Variants in CENPV observed in about 807,000 individuals in gnomAD.
CENPV encodes the protein centromere protein V, also known as nuclear protein p30.
Under a neutral mutation model 26.4 loss-of-function variants are expected in CENPV, and 15 were observed. The observed-to-expected ratio is 0.57, with a 90% CI of 0.38 to 0.88. CENPV has a LOEUF of 0.88. Ranked by LOEUF, CENPV falls within the 40% of genes least tolerant of loss-of-function variation. CENPV has a pLI of 0.00. For missense variants in CENPV, 336 were observed against 376.5 expected, an observed-to-expected ratio of 0.89 and a Z score of 0.89; for synonymous variants, 172 against 165.5, an observed-to-expected ratio of 1.04 and a Z score of -0.30.
chr17:16,342,660 T>C lies in CENPV; in HGVS notation c.*157A>G, dbSNP rs900025668. 1.1e-5 allele frequency: 8 copies of C among 753,750 alleles called. No individual in the cohort carries two copies. The highest frequency in any genetic ancestry group is 3.9e-4 in the Middle Eastern group (1 of 2,554). The allele number at this position is 753,750 out of a possible 1,614,324, so 46.7% of individuals were successfully genotyped here. On this transcript the variant is annotated 3_prime_UTR_variant, in exon 5 of 5. Transcript: ENST00000299736. ...AGGACAAAGAGCTGCCTAAAGAAACTGGTAGCTGGAGCAAACTGCAGAGAT... is the reference window on the plus strand; with the variant it reads ...AGGACAAAGAGCTGCCTAAAGAAACCGGTAGCTGGAGCAAACTGCAGAGAT...
intron 1 of CENPV, among the ~76,000 whole-genome samples, chr17:16,352,474 A>G (rs1440152652): frequency 6.6e-6 from 1 of 152,030 alleles, no homozygotes; most frequent in Non-Finnish European, 1.5e-5. Flanking sequence ...CTCCCGGATC[A>G]ATAACCTCCG....
intron 2 of CENPV, 187 bp from the exon 3 acceptor site, chr17:16,348,872 G>T: frequency 7.2e-7 from 1 of 1,389,330 alleles, no homozygotes. Context: ...CAGAGCCCAG[G>T]GGGGTCCCAA....
intron 2 of CENPV, 36 bp from the exon 3 acceptor site, chr17:16,348,721 A>G (rs2093217839): frequency 3.1e-6 from 5 of 1,612,656 alleles, no homozygotes; most frequent in Non-Finnish European, 4.2e-6. Context: ...GATTGTGAGC[A>G]GCCACCTGCA....
At chr17:16,348,590 C>A (rs758546868) in intron 3 of CENPV, 26 bp downstream of exon 3, 1 of 1,613,734 alleles carries the variant, frequency 6.2e-7, no homozygotes, top group South Asian at 1.1e-5. Context: ...GTTCTGCACT[C>A]CTTGACCCTG....
chr17:16,352,886 G>T (rs1489132844), intron 1 of CENPV, 141 bp downstream of exon 1: 2 of 1,227,130 alleles, frequency 1.6e-6, no homozygotes, highest in Non-Finnish European at 2.1e-6. Context: ...CAGTGCTAAC[G>T]GGGGAGCCGC....
At chr17:16,343,911 A>G (rs980400834) in intron 4 of CENPV, among the ~76,000 whole-genome samples, 1 of 152,178 alleles carries the variant, frequency 6.6e-6, no homozygotes, top group Non-Finnish European at 1.5e-5. Context: ...AATTCACACT[A>G]TAGTTGGTAT....
chr17:16,353,349 CGGCCGCGGA>C lies in CENPV; in HGVS notation c.79_87del (p.Ser27_Ala29del), dbSNP rs1355432206. ...CGGGTGGCGCTGGGTGCCAAGGCAG[CGGCCGCGGA>C]GGCCGCGGGGGCCGCGGAGGCCCCG... On this transcript the variant is annotated inframe_deletion, in exon 1 of 5. Coordinates refer to ENST00000299736, the MANE Select transcript of CENPV (RefSeq NM_181716.3). The C allele has an allele frequency of 6.2e-6, 8 of 1,286,248 alleles. No homozygotes were observed. Among genetic ancestry groups the C allele is most frequent in the Non-Finnish European group, 7.9e-6 (8 of 1,017,072 alleles). The allele number at this position is 1,286,248 out of a possible 1,614,324, so 79.7% of individuals were successfully genotyped here.
intron 1 of CENPV, among the ~76,000 whole-genome samples, chr17:16,352,193 G>A (rs568882823): frequency 3.9e-5 from 6 of 152,244 alleles, no homozygotes; most frequent in African/African-American, 1.4e-4. Flanking sequence ...TAATATCAGG[G>A]CGTTAAAATA....
Position 16,353,363 on chromosome 17 carries a change from G to T in CENPV, c.74C>A (p.Ala25Glu), listed in dbSNP as rs560390150. The T allele has an allele frequency of 5.3e-5, 66 of 1,237,028 alleles. No homozygotes were observed. The highest frequency in any genetic ancestry group is 3.1e-4 in the Middle Eastern group (1 of 3,214). 76.6% of individuals were successfully genotyped at this position (1,237,028 alleles called of 1,614,324 possible). A position where few individuals can be genotyped will look rare whatever the true frequency, so the allele number is the denominator to read the frequency against. ...TGCCAAGGCAGCGGCCGCGGAGGCC[G>T]CGGGGGCCGCGGAGGCCCCGGACCG... is the stretch of plus-strand genomic sequence containing the variant. ...QKRSGASAAP[A>E]ASAAAALAPS... The change falls in exon 1 of 5, where the codon GCG (alanine) becomes GAG (glutamate). Residue 25 changes from alanine (A) to glutamate (E), a missense_variant. Around this residue, in one of 2 missense-constraint regions of CENPV, gnomAD observed 181 missense variants for 148.8 expected, o/e 1.22. Transcript: ENST00000299736.
chr17:16,352,817 G>A (rs908202742), intron 1 of CENPV, among the ~76,000 whole-genome samples: 6 of 152,020 alleles, frequency 3.9e-5, no homozygotes, highest in African/African-American at 7.2e-5. Context: ...CCATTCCCAG[G>A]CCACACAGCC....
chr17:16,346,008 A>G (rs1265874954), intron 3 of CENPV, among the ~76,000 whole-genome samples: 1 of 152,204 alleles, frequency 6.6e-6, no homozygotes, highest in Non-Finnish European at 1.5e-5. Context: ...ATAGAAAGAA[A>G]AATAAATCAC....
intron 1 of CENPV, among the ~76,000 whole-genome samples, chr17:16,352,192 G>A (rs2142903509): frequency 6.6e-6 from 1 of 152,218 alleles, no homozygotes; most frequent in South Asian, 2.1e-4. Context: ...ATAATATCAG[G>A]GCGTTAAAAT....
At position 16,342,809 on chromosome 17, in the gene CENPV, G is replaced by A; in HGVS notation, c.*8C>T. ...ATTCCTCCTTTTCAGGGCAGGAGAG[G>A]CAGAAGCTCACTCTTTAGACATGTT... On this transcript the variant is annotated 3_prime_UTR_variant, in exon 5 of 5. Coordinates refer to ENST00000299736, the MANE Select transcript of CENPV (RefSeq NM_181716.3). 6.2e-7 allele frequency: 1 copy of A among 1,614,006 alleles called. No individual in the cohort carries two copies. Among genetic ancestry groups the A allele is most frequent in the Admixed American group, 1.7e-5 (1 of 59,988 alleles).
At chr17:16,345,651 T>A (rs982209410) in intron 3 of CENPV, among the ~76,000 whole-genome samples, 1 of 152,128 alleles carries the variant, frequency 6.6e-6, no homozygotes, top group African/African-American at 2.4e-5. Flanking sequence ...CAGAGACCCA[T>A]CTACACTATC....
intron 1 of CENPV, among the ~76,000 whole-genome samples, chr17:16,352,725 G>C (rs1468752674): frequency 6.6e-6 from 1 of 152,182 alleles, no homozygotes; most frequent in South Asian, 2.1e-4. Flanking sequence ...ACGTCCCCGA[G>C]CACGATGCTT....
At chr17:16,352,676 A>G (rs2093233102) in intron 1 of CENPV, among the ~76,000 whole-genome samples, 1 of 152,126 alleles carries the variant, frequency 6.6e-6, no homozygotes, top group African/African-American at 2.4e-5. Context: ...CTTTTCACTA[A>G]GAAAGGCCCC....
In CENPV at chr17:16,344,662, T is replaced by A; in HGVS notation, c.629A>T (p.His210Leu). ...AACGCCACATCTCTTACAGAAGGTA[T>A]GCTGGGCTTTGTGAGTATTGAACGT... The part of the protein sequence containing the change: ...TYTFNTHKAQ[H>L]TFCKRCGVQS... Residue 210 changes from histidine to leucine, a missense_variant, in exon 4 of 5, where the codon CAT (histidine) becomes CTT (leucine). Coordinates refer to ENST00000299736, the MANE Select transcript of CENPV (RefSeq NM_181716.3). 6.2e-7 allele frequency: 1 copy of A among 1,601,072 alleles called. No individual in the cohort carries two copies. The highest frequency in any genetic ancestry group is 8.5e-7 in the Non-Finnish European group (1 of 1,174,160).
At position 16,344,673 on chromosome 17, in the gene CENPV, G is replaced by A; in HGVS notation, c.618C>T (p.His206=). Residue 206 remains histidine (H), a synonymous_variant, in exon 4 of 5, where the codon CAC becomes CAT. Coordinates refer to ENST00000299736, the MANE Select transcript of CENPV (RefSeq NM_181716.3). The part of the protein sequence containing the change: ...EHITTYTFNT[H]KAQHTFCKRC... ...TCTTACAGAAGGTATGCTGGGCTTTGTGAGTATTGAACGTGTAAGTCGTTA... is the reference window on the plus strand; with the variant it reads ...TCTTACAGAAGGTATGCTGGGCTTTATGAGTATTGAACGTGTAAGTCGTTA... 10 of 1,600,030 alleles carry A rather than the reference G, an allele frequency of 6.2e-6. No individual in the cohort carries two copies. The highest frequency in any genetic ancestry group is 8.5e-6 in the Non-Finnish European group (10 of 1,173,694).
Position 16,353,433 on chromosome 17 carries a change from G to C in CENPV, c.4C>G (p.Arg2Gly). 2 of 1,149,440 alleles carry C rather than the reference G, an allele frequency of 1.7e-6. No homozygotes were observed. The highest frequency in any genetic ancestry group is 1.1e-6 in the Non-Finnish European group (1 of 936,678). 71.2% of individuals were successfully genotyped at this position (1,149,440 alleles called of 1,614,324 possible). The change falls in exon 1 of 5, where the codon CGG becomes GGG. Residue 2 changes from arginine to glycine, a missense_variant. Transcript: ENST00000299736. Reference protein sequence around the residue: MRRSRSSAAAKL... With the variant: MGRSRSSAAAKL... ...GCGGCCGCAGAGCTCCTCGATCGCC[G>C]CATGGCTCCCGCAGCCTGGCGCGCA...
Sources: allele counts gnomAD v4.1 joint callset (sites outside exome capture counted in the v4.1 genomes callset), GRCh38; gene constraint gnomAD v4.1.1; regional missense constraint gnomAD v4.1.1; transcripts MANE v1.5; gene names NCBI Gene and HGNC (gene_info 2026-07-23, HGNC 2026-07-21).